The following MAP4 variants were observed in gnomAD, a reference collection of about 807,000 sequenced individuals.
The protein encoded by MAP4 is microtubule associated protein 4.
In MAP4, 76 loss-of-function variants were observed where a neutral mutation model predicts 170.2. That is an observed-to-expected ratio of 0.45 (90% CI 0.37 to 0.54). The LOEUF is 0.54. Ranked by LOEUF, MAP4 falls within the 20% of genes least tolerant of loss-of-function variation. The pLI is 0.00. For synonymous variants in MAP4, 909 were observed against 994.5 expected (o/e 0.91, Z 1.62); for missense variants, 2,506 against 2,748.0 (o/e 0.91, Z 1.97).
Position 48,082,210 on chromosome 3 carries a change from A to G in MAP4, c.-20+6563T>C, listed in dbSNP as rs72927471. 9.4e-3 allele frequency among the ~76,000 whole-genome samples: 1,432 copies of G among 152,356 alleles called. 25 individuals carry two copies. The highest frequency in any genetic ancestry group is 0.033 in the African/African-American group (1,363 of 41,578). ...AATAGAAAACCAACAGAATAATATA[A>G]TCAACGCTGCCGCAGGCAAGATTCA... On this transcript the variant is annotated intron_variant, in intron 1 of 18. Transcript: ENST00000360240.
At chr3:47,897,577 G>A (rs997930019) in intron 10 of MAP4, among the ~76,000 whole-genome samples, 4 of 152,140 alleles carry the variant, frequency 2.6e-5, no homozygotes, top group African/African-American at 7.2e-5. Context: ...GAGCAAACGC[G>A]TGTTTGAAGT....
chr3:48,020,902 G>A (rs138860964), upstream of MAP4, among the ~76,000 whole-genome samples: 1,017 of 152,156 alleles, frequency 6.7e-3, 8 homozygotes, highest in Non-Finnish European at 9.9e-3. Context: ...GGGCTCAAGC[G>A]ATCCTCCAGC....
chr3:48,074,820 C>T (rs1328590868), intron 1 of MAP4, among the ~76,000 whole-genome samples: 1 of 150,940 alleles, frequency 6.6e-6, no homozygotes, highest in Non-Finnish European at 1.5e-5. Context: ...TCAGCCACCA[C>T]CACACTCAGC....
chr3:48,010,114 C>T lies in MAP4; in HGVS notation c.-20+6220G>A, dbSNP rs535677125. On this transcript the variant is annotated intron_variant, in intron 1 of 20. Transcript: ENST00000683076. ...CCCTGTGATTACTGTCAATGCAAAA[C>T]CACAACAGCCAAATCCAGGCAGGAC... is the stretch of plus-strand genomic sequence containing the variant. Among the ~76,000 whole-genome samples, 117 of 152,278 alleles carry T rather than the reference C, an allele frequency of 7.7e-4. 3 individuals are homozygous for T. In the South Asian group the frequency reaches 0.016, roughly 20 times the overall value.
At position 47,867,291 on chromosome 3, in the gene MAP4, C is replaced by T. The variant is rs780943609; in HGVS notation, c.6456G>A (p.Lys2152=). 9 of 1,613,924 alleles carry T rather than the reference C, an allele frequency of 5.6e-6. No homozygotes were observed. In the East Asian group the frequency reaches 6.7e-5, roughly 12 times the overall value. Reference sequence around the variant, plus strand: ...GCTTAATATTGTCCTTGGAACCACACTTGGACTGAATATGGCTGTAGCTCA... The same window carrying T: ...GCTTAATATTGTCCTTGGAACCACATTTGGACTGAATATGGCTGTAGCTCA... ...KKVSYSHIQS[K]CGSKDNIKHV... is the part of the protein sequence containing the mutation. Residue 2152 remains lysine (K), a synonymous_variant, in exon 17 of 21, where the codon AAG becomes AAA. Transcript: ENST00000683076.
At chr3:48,033,659 G>C (rs764110701) in intron 1 of MAP4, among the ~76,000 whole-genome samples, 5 of 152,048 alleles carry the variant, frequency 3.3e-5, no homozygotes, top group African/African-American at 1.2e-4. Flanking sequence ...TGAGTGCAGT[G>C]GTAGGATCTC....
At position 47,992,648 on chromosome 3, in the gene MAP4, A is replaced by G. The variant is rs2100093028; in HGVS notation, c.223+5990T>C. 1.3e-5 allele frequency among the ~76,000 whole-genome samples: 2 copies of G among 152,148 alleles called. 1 individual carries two copies. The highest frequency in any genetic ancestry group is 4.1e-4 in the South Asian group (2 of 4,822). On this transcript the variant is annotated intron_variant, in intron 2 of 20. Transcript: ENST00000683076. ...AACAAGTTCGTGGAAAATGCATTCT[A>G]TGAAAAAATTATTCATGGATTTCAA...
chr3:47,992,422 T>TTTA (rs1000275801), intron 2 of MAP4, among the ~76,000 whole-genome samples: 20 of 152,022 alleles, frequency 1.3e-4, no homozygotes, highest in African/African-American at 4.3e-4. Flanking sequence ...AATTATAAAC[T>TTTA]TTATTATTAT....
chr3:48,081,001 G>A (rs2100146384), intron 1 of MAP4, among the ~76,000 whole-genome samples: 1 of 152,218 alleles, frequency 6.6e-6, no homozygotes, highest in Non-Finnish European at 1.5e-5. Flanking sequence ...GCGGGCTCCT[G>A]TATTCCCAGC....
At chr3:47,908,046 G>GTTTTTT (rs2100034061) in intron 9 of MAP4, among the ~76,000 whole-genome samples, 1 of 140,548 alleles carries the variant, frequency 7.1e-6, no homozygotes, top group South Asian at 2.4e-4. Context: ...AAACCAATTG[G>GTTTTTT]TGTTTTTTTT....
chr3:48,023,885 C>T (rs1281459739), intron 1 of MAP4, among the ~76,000 whole-genome samples: 1 of 152,202 alleles, frequency 6.6e-6, no homozygotes, highest in Non-Finnish European at 1.5e-5. Flanking sequence ...CTCTCCTAAA[C>T]ATAGCAAGCA....
intron 1 of MAP4, among the ~76,000 whole-genome samples, chr3:48,029,308 C>T (rs2100114743): frequency 6.6e-6 from 1 of 152,000 alleles, no homozygotes; most frequent in African/African-American, 2.4e-5. Context: ...CGTGGTGGTG[C>T]ACACCCATAA....
In MAP4 at chr3:47,870,828, C is replaced by A; in HGVS notation, c.6279G>T (p.Gln2093His). The change falls in exon 15 of 21, where the codon CAG becomes CAT. Residue 2093 changes from glutamine to histidine, a missense_variant. By Grantham distance (24) the Gln-to-His change is conservative. Transcript: ENST00000683076. Reference sequence around the variant, plus strand: ...CTGGACCCACCCGGCCTCCTCCAGGCTGATGCTTGATGTTTTCCGTGGAGC... The same window carrying A: ...CTGGACCCACCCGGCCTCCTCCAGGATGATGCTTGATGTTTTCCGTGGAGC... ...KVGSTENIKH[Q>H]PGGGRAKVEK... 4.5e-6 allele frequency: 7 copies of A among 1,571,782 alleles called. No homozygotes were observed. The highest frequency in any genetic ancestry group is 6.1e-6 in the Non-Finnish European group (7 of 1,156,346).
rs745693695 is a variant in MAP4 at position 47,941,220 on chromosome 3, C to CAA, written c.293-12872_293-12871dup. On this transcript the variant is annotated intron_variant, in intron 3 of 20. Transcript: ENST00000683076. ...CAACATAATGAGACCCTATCTCTAC[C>CAA]AAAAAAAAAAAAAAAAAAAAAAAAA... Among the ~76,000 whole-genome samples, 20 of 45,842 alleles carry CAA rather than the reference C, an allele frequency of 4.4e-4. 1 individual carries two copies. Among genetic ancestry groups the CAA allele is most frequent in the South Asian group, 3.9e-3 (4 of 1,036 alleles). 30.1% of individuals were successfully genotyped at this position (45,842 alleles called of 152,430 possible).
At chr3:48,046,308 T>A (rs569479198) in intron 1 of MAP4, among the ~76,000 whole-genome samples, 1 of 152,220 alleles carries the variant, frequency 6.6e-6, no homozygotes, top group Non-Finnish European at 1.5e-5. Flanking sequence ...TTGTTACTTA[T>A]GTAGTGACAG....
chr3:47,912,325 G>A lies in MAP4; in HGVS notation c.2096C>T (p.Pro699Leu). 6.5e-7 allele frequency: 1 copy of A among 1,536,162 alleles called. No homozygotes were observed. The highest frequency in any genetic ancestry group is 8.7e-7 in the Non-Finnish European group (1 of 1,146,924). Residue 699 changes from proline (P) to leucine (L), a missense_variant, in exon 9 of 21, where the codon CCT becomes CTT. By Grantham distance (98) the Pro-to-Leu change is moderately conservative. Around this residue, in one of 3 missense-constraint regions of MAP4, gnomAD observed 2,008 missense variants for 2,206.0 expected, o/e 0.91. Coordinates refer to ENST00000683076, the MANE Select transcript of MAP4 (RefSeq NM_001385682.1). ...AGGAGAGCCTCCCAGCAGCTCAGGA[G>A]GGACCCTGGCAGGCTTGGGCCGGGT... Reference protein sequence around the residue: ...RSTRPKPARVPPELLGGSPPW... With the variant: ...RSTRPKPARVLPELLGGSPPW...
At chr3:48,028,570 C>T (rs1396426139) in intron 1 of MAP4, among the ~76,000 whole-genome samples, 1 of 151,534 alleles carries the variant, frequency 6.6e-6, no homozygotes, top group African/African-American at 2.4e-5. Context: ...GTCAGGAGTT[C>T]CAGACCAGCC....
intron 1 of MAP4, among the ~76,000 whole-genome samples, chr3:48,056,616 G>T (rs1579638667): frequency 1.6e-5 from 2 of 123,660 alleles, no homozygotes; most frequent in Non-Finnish European, 3.3e-5. Flanking sequence ...GGAGGGAGGT[G>T]GGGGGGTCAG....
At position 48,085,374 on chromosome 3, in the gene MAP4, G is replaced by A. The variant is rs373702751; in HGVS notation, c.-20+3399C>T. 1.1e-4 allele frequency among the ~76,000 whole-genome samples: 16 copies of A among 152,218 alleles called. No homozygotes were observed. In the East Asian group the frequency reaches 2.3e-3, roughly 22 times the overall value. On this transcript the variant is annotated intron_variant, in intron 1 of 18. Transcript: ENST00000360240. The stretch of plus-strand genomic sequence containing the variant: ...TCTACTCTCTGACTAAAGCTAAGCC[G>A]CCTATATATAAGAAAATCCAGGTGC...
Sources: allele counts gnomAD v4.1 joint callset (sites outside exome capture counted in the v4.1 genomes callset), GRCh38; gene constraint gnomAD v4.1.1; regional missense constraint gnomAD v4.1.1; transcripts MANE v1.5; gene names NCBI Gene and HGNC (gene_info 2026-07-23, HGNC 2026-07-21).